The following GBE1 variants were observed in gnomAD, a reference collection of about 807,000 sequenced individuals.
The protein encoded by GBE1 is 1,4-alpha-glucan branching enzyme 1.
GBE1 carries 70 observed loss-of-function variants against 88.8 expected under a neutral mutation model. The ratio of observed to expected loss-of-function variants is 0.79; its 90% CI spans 0.65 to 0.96. The LOEUF is 0.96. GBE1 is among the 40% of genes least tolerant of loss of function. The pLI, the probability that GBE1 is intolerant of heterozygous loss-of-function variation, is 0.00. For missense variants in GBE1, 872 were observed against 871.0 expected (o/e 1.00, Z -0.01); for synonymous variants, 284 against 300.1 (o/e 0.95, Z 0.56).
At chr3:81,544,449 T>C (rs2106882888) in intron 12 of GBE1, among the ~76,000 whole-genome samples, 1 of 152,270 alleles carries the variant, frequency 6.6e-6, no homozygotes, top group South Asian at 2.1e-4. Flanking sequence ...GAGAGGATAA[T>C]CATTTTTTGA....
intron 9 of GBE1, 64 bp downstream of exon 9, chr3:81,590,973 T>C: frequency 7.1e-7 from 1 of 1,399,384 alleles, no homozygotes; most frequent in South Asian, 1.5e-5. Flanking sequence ...AATCAAATAC[T>C]GTATGCTGAC....
At chr3:81,697,548 C>A (rs1469767407) in intron 2 of GBE1, among the ~76,000 whole-genome samples, 1 of 152,128 alleles carries the variant, frequency 6.6e-6, no homozygotes, top group African/African-American at 2.4e-5. Flanking sequence ...GATCCGCTGG[C>A]CTTGGCCTCG....
At chr3:81,730,250 G>T (rs1234502916) in intron 1 of GBE1, among the ~76,000 whole-genome samples, 1 of 152,112 alleles carries the variant, frequency 6.6e-6, no homozygotes, top group Non-Finnish European at 1.5e-5. Flanking sequence ...CAATTATAAT[G>T]ATATTGGGTA....
At chr3:81,529,850 T>C (rs552983575) in intron 14 of GBE1, among the ~76,000 whole-genome samples, 2 of 152,130 alleles carry the variant, frequency 1.3e-5, no homozygotes, top group African/African-American at 4.8e-5. Context: ...AGTATTGATA[T>C]CTTTCTCTGG....
At chr3:81,740,837 T>C (rs1422816796) in intron 1 of GBE1, among the ~76,000 whole-genome samples, 1 of 151,308 alleles carries the variant, frequency 6.6e-6, no homozygotes, top group Non-Finnish European at 1.5e-5. Context: ...TCACAAACAT[T>C]AAAAGCTAAA....
chr3:81,527,553 G>T (rs538543408), intron 14 of GBE1, among the ~76,000 whole-genome samples: 1 of 152,056 alleles, frequency 6.6e-6, no homozygotes, highest in African/African-American at 2.4e-5. Context: ...ACAAATGGGC[G>T]AAGGATATGA....
chr3:81,620,464 T>C (rs1223706768), intron 7 of GBE1, among the ~76,000 whole-genome samples: 2 of 152,100 alleles, frequency 1.3e-5, no homozygotes, highest in Admixed American at 6.6e-5. Context: ...TAATTTTTAA[T>C]AACAAAAGCC....
intron 10 of GBE1, among the ~76,000 whole-genome samples, chr3:81,585,174 G>A (rs1314328738): frequency 6.6e-6 from 1 of 152,102 alleles, no homozygotes; most frequent in Non-Finnish European, 1.5e-5. Flanking sequence ...TGTAGAAGCA[G>A]AAGTTATGTT....
intron 6 of GBE1, among the ~76,000 whole-genome samples, chr3:81,645,623 T>A (rs527544417): frequency 2.8e-4 from 43 of 152,308 alleles, no homozygotes; most frequent in African/African-American, 1.0e-3. Context: ...TGAACCAGTA[T>A]CTTTTTTCTG....
At position 81,736,725 on chromosome 3, in the gene GBE1, A is replaced by G. The variant is rs143571692; in HGVS notation, c.143+24650T>C. ...TCTGATTTATTCCTTCTTAATCTTA[A>G]TATCTGGCAACCTCTCAAATCAGAA... On this transcript the variant is annotated intron_variant, in intron 1 of 15. Coordinates refer to ENST00000429644, the MANE Select transcript of GBE1 (RefSeq NM_000158.4). Among the ~76,000 whole-genome samples the G allele has an allele frequency of 2.2e-3, 340 of 152,292 alleles. 3 individuals are homozygous for G. Among genetic ancestry groups the G allele is most frequent in the African/African-American group, 7.7e-3 (320 of 41,572 alleles).
chr3:81,699,687 T>C (rs371035101), intron 2 of GBE1, among the ~76,000 whole-genome samples: 1 of 152,160 alleles, frequency 6.6e-6, no homozygotes, highest in African/African-American at 2.4e-5. Context: ...CAAATTGTTC[T>C]CCTGCTTTAT....
intron 6 of GBE1, among the ~76,000 whole-genome samples, chr3:81,645,513 T>C (rs531365115): frequency 4.5e-4 from 69 of 152,286 alleles, no homozygotes; most frequent in Admixed American, 2.0e-3. Context: ...GCAGACCGCA[T>C]ACTTGGAGTG....
intron 3 of GBE1, among the ~76,000 whole-genome samples, chr3:81,666,979 T>C (rs1705121399): frequency 1.3e-5 from 2 of 152,188 alleles, no homozygotes; most frequent in South Asian, 4.1e-4. Context: ...TTTTGAAAAA[T>C]AGGTTTAGAG....
intron 3 of GBE1, among the ~76,000 whole-genome samples, chr3:81,652,148 C>A (rs1300813357): frequency 2.6e-5 from 4 of 152,202 alleles, no homozygotes; most frequent in Non-Finnish European, 5.9e-5. Context: ...AGGGATTCTC[C>A]AGGCTCAATA....
intron 7 of GBE1, among the ~76,000 whole-genome samples, chr3:81,616,603 A>G (rs935380236): frequency 2.0e-5 from 3 of 152,166 alleles, no homozygotes; most frequent in Admixed American, 6.5e-5. Flanking sequence ...CTATAACTAT[A>G]TAAGAGTAAA....
At chr3:81,652,827 T>C (rs760825467) in intron 3 of GBE1, among the ~76,000 whole-genome samples, 6 of 152,202 alleles carry the variant, frequency 3.9e-5, no homozygotes, top group South Asian at 2.1e-4. Context: ...GTAAAGACTA[T>C]AGCCTTTACG....
At chr3:81,738,006 G>T (rs1270074323) in intron 1 of GBE1, among the ~76,000 whole-genome samples, 1 of 151,684 alleles carries the variant, frequency 6.6e-6, no homozygotes, top group Non-Finnish European at 1.5e-5. Flanking sequence ...TGCAGTGTTT[G>T]GTTTCTTGTT....
At chr3:81,508,653 A>G (rs1299296532) in intron 14 of GBE1, among the ~76,000 whole-genome samples, 1 of 152,212 alleles carries the variant, frequency 6.6e-6, no homozygotes, top group Admixed American at 6.5e-5. Flanking sequence ...GTCAAGTGCA[A>G]TATAGCTAAA....
At chr3:81,734,421 A>C (rs1190250548) in intron 1 of GBE1, among the ~76,000 whole-genome samples, 1 of 151,980 alleles carries the variant, frequency 6.6e-6, no homozygotes, top group Non-Finnish European at 1.5e-5. Flanking sequence ...GGGGAAAAAA[A>C]CCTATAGACT....
Sources: gnomAD v4.1 joint callset for allele counts (sites outside exome capture counted in the v4.1 genomes callset) on GRCh38, gnomAD v4.1.1 for gene constraint, MANE v1.5 for transcripts, NCBI Gene and HGNC (gene_info 2026-07-23, HGNC 2026-07-21) for gene names.